The following NR1I2 variants were observed in gnomAD, a reference collection of about 807,000 sequenced individuals.
NR1I2 encodes orphan nuclear receptor PAR1.
NR1I2 carries 42 observed loss-of-function variants against 43.3 expected under a neutral mutation model. The ratio of observed to expected loss-of-function variants is 0.97; its 90% CI spans 0.76 to 1.26. NR1I2 has a LOEUF of 1.26. Among genes scored for constraint, NR1I2 ranks in the 50% most tolerant of loss-of-function variants. The pLI is 0.00. For synonymous variants in NR1I2, 229 were observed against 215.0 expected, an observed-to-expected ratio of 1.06 and a Z score of -0.57; for missense variants, 559 against 566.7, an observed-to-expected ratio of 0.99 and a Z score of 0.14.
intron 1 of NR1I2, among the ~76,000 whole-genome samples, chr3:119,794,179 T>G (rs2054961736): frequency 6.6e-6 from 1 of 151,638 alleles, no homozygotes; most frequent in East Asian, 1.9e-4. Flanking sequence ...CTGGCTGAGT[T>G]TTTTTGTTTG....
In NR1I2 at chr3:119,815,345, G is replaced by A; in HGVS notation, c.960G>A (p.Leu320=). The change falls in exon 7 of 9, where the codon CTG becomes CTA. Residue 320 remains leucine, a synonymous_variant. Transcript: ENST00000393716. ...CAGGTGGCTTCCAGCAACTTCTACT[G>A]GAGCCCATGCTGAAATTCCACTACA... 6.2e-7 allele frequency: 1 copy of A among 1,614,050 alleles called. No individual in the cohort carries two copies. Among genetic ancestry groups the A allele is most frequent in the Non-Finnish European group, 8.5e-7 (1 of 1,180,006 alleles).
intron 1 of NR1I2, among the ~76,000 whole-genome samples, chr3:119,789,087 G>A (rs939564697): frequency 1.3e-5 from 2 of 152,156 alleles, no homozygotes; most frequent in African/African-American, 2.4e-5. Flanking sequence ...GTAAGCACAG[G>A]CTCCAGGTTA....
intron 3 of NR1I2, 141 bp downstream of exon 3, chr3:119,810,335 T>C: frequency 3.0e-6 from 4 of 1,330,596 alleles, no homozygotes; most frequent in Non-Finnish European, 4.0e-6. Flanking sequence ...CTGGTGTCCG[T>C]GTGCAACAGG....
At chr3:119,813,098 G>A (rs899403959) in intron 5 of NR1I2, 138 bp downstream of exon 5, 1 of 980,588 alleles carries the variant, frequency 1.0e-6, no homozygotes, top group Non-Finnish European at 1.5e-6. Context: ...CTTTCCCCGG[G>A]CAGCCAGTGC....
At position 119,818,321 on chromosome 3, in the gene NR1I2, G is replaced by A. The variant is rs2055357923; in HGVS notation, c.*1109G>A. 1.6e-5 allele frequency: 16 copies of A among 985,412 alleles called. No individual in the cohort carries two copies. The highest frequency in any genetic ancestry group is 1.9e-5 in the Non-Finnish European group (16 of 829,912). 61.0% of individuals were successfully genotyped at this position (985,412 alleles called of 1,614,324 possible). A position where few individuals can be genotyped will look rare whatever the true frequency, so the allele number is the denominator to read the frequency against. ...ATTCTCAAAGCTAAAGGGTATGAAA[G>A]TGCCTGCCTTGTTTATAGCCACTTG... On this transcript the variant is annotated 3_prime_UTR_variant, in exon 9 of 9. Transcript: ENST00000393716.
intron 2 of NR1I2, among the ~76,000 whole-genome samples, 200 bp from the exon 3 acceptor site, chr3:119,809,861 C>T (rs1249953429): frequency 6.6e-6 from 1 of 152,154 alleles, no homozygotes; most frequent in Non-Finnish European, 1.5e-5. Context: ...CCCGGCTCTG[C>T]CCCCTCTAGC....
chr3:119,798,175 T>G (rs953231965), intron 1 of NR1I2, among the ~76,000 whole-genome samples: 1 of 152,248 alleles, frequency 6.6e-6, no homozygotes, highest in Non-Finnish European at 1.5e-5. Context: ...TCACTGAGTC[T>G]CGTGTGTCTC....
At chr3:119,793,984 C>T (rs1036499376) in intron 1 of NR1I2, among the ~76,000 whole-genome samples, 22 of 152,128 alleles carry the variant, frequency 1.4e-4, no homozygotes, top group African/African-American at 5.3e-4. Context: ...CTCTTCGGTA[C>T]ATAATTTTGT....
intron 1 of NR1I2, among the ~76,000 whole-genome samples, chr3:119,803,925 T>G (rs1471641838): frequency 6.6e-6 from 1 of 151,876 alleles, no homozygotes; most frequent in African/African-American, 2.4e-5. Context: ...ACTCAGCTAA[T>G]TTTTGTATTT....
rs141599641 is a variant in NR1I2 at position 119,812,905 on chromosome 3, T to A, written c.739T>A (p.Ser247Thr). The A allele has an allele frequency of 1.7e-5, 27 of 1,613,990 alleles. No individual in the cohort carries two copies. Among genetic ancestry groups the A allele is most frequent in the Non-Finnish European group, 2.1e-5 (25 of 1,180,032 alleles). ...CCTGCTGCCCCACATGGCTGACATG[T>A]CAACCTACATGTTCAAAGGCATCAT... Residue 247 changes from serine (S) to threonine (T), a missense_variant, in exon 5 of 9, where the codon TCA becomes ACA. Ser to Thr is a moderately conservative substitution (Grantham distance 58, BLOSUM62 1). Transcript: ENST00000393716.
chr3:119,792,004 A>G, intron 1 of NR1I2: 1 of 706,698 alleles, frequency 1.4e-6, no homozygotes, highest in South Asian at 1.5e-5. Flanking sequence ...CCATGGGTAC[A>G]GAAACCAATT....
At chr3:119,806,172 C>T (rs370012568) in intron 1 of NR1I2, among the ~76,000 whole-genome samples, 23 of 152,322 alleles carry the variant, frequency 1.5e-4, no homozygotes, top group Non-Finnish European at 3.1e-4. Context: ...ATGGTAGTAA[C>T]AGGACAATCC....
chr3:119,790,208 A>G (rs1190916700), intron 1 of NR1I2, among the ~76,000 whole-genome samples: 2 of 152,142 alleles, frequency 1.3e-5, no homozygotes, highest in Non-Finnish European at 2.9e-5. Context: ...AATGTCCTCA[A>G]GGTTCATCCG....
rs192325367 is a variant in NR1I2 at position 119,804,292 on chromosome 3, G to A, written c.-22-2937G>A. Among the ~76,000 whole-genome samples, 1,367 of 150,354 alleles carry A rather than the reference G, an allele frequency of 9.1e-3. 19 individuals carry two copies. The highest frequency in any genetic ancestry group is 0.032 in the African/African-American group (1,305 of 41,354). On this transcript the variant is annotated intron_variant, in intron 1 of 8. Transcript: ENST00000393716. ...CGGGAGGCTGAGGCAGGAGAATGGC[G>A]TCAACCTGGGAGGTGGAGCTTGCAG...
At chr3:119,797,186 ATGTGTG>A (rs60261128) in intron 1 of NR1I2, among the ~76,000 whole-genome samples, 2 of 145,180 alleles carry the variant, frequency 1.4e-5, no homozygotes, top group African/African-American at 2.6e-5. Context: ...GCACAAAGAT[ATGTGTG>A]TGTGTGTGTG....
chr3:119,782,596 C>CA, intron 1 of NR1I2: 1 of 618,626 alleles, frequency 1.6e-6, no homozygotes, highest in South Asian at 1.9e-5. Context: ...GTCACACATA[C>CA]AACCAGCTCC....
intron 1 of NR1I2, among the ~76,000 whole-genome samples, chr3:119,785,036 C>G (rs1320153977): frequency 6.6e-6 from 1 of 152,164 alleles, no homozygotes; most frequent in Non-Finnish European, 1.5e-5. Flanking sequence ...GAGTTTTGCT[C>G]CTTCCTTTCC....
At position 119,788,271 on chromosome 3, in the gene NR1I2, G is replaced by A. The variant is rs1048731014; in HGVS notation, c.-23+5971G>A. On this transcript the variant is annotated intron_variant, in intron 1 of 8. Coordinates refer to ENST00000393716, the MANE Select transcript of NR1I2 (RefSeq NM_003889.4). ...TGGGACTACAGGTGTGTGCCACCATGCCCAGACACTTTTAAAATTTATTTT... is the reference window on the plus strand; with the variant it reads ...TGGGACTACAGGTGTGTGCCACCATACCCAGACACTTTTAAAATTTATTTT... Among the ~76,000 whole-genome samples the A allele has an allele frequency of 9.3e-5, 14 of 150,084 alleles. No individual in the cohort carries two copies. In the East Asian group the frequency reaches 2.8e-3, roughly 30 times the overall value.
intron 1 of NR1I2, chr3:119,791,844 A>G (rs946499945): frequency 5.4e-6 from 3 of 554,678 alleles, no homozygotes; most frequent in South Asian, 2.9e-5. Context: ...GTTTGAGTCC[A>G]TCGGCAAGTT....
Sources: allele counts gnomAD v4.1 joint callset (sites outside exome capture counted in the v4.1 genomes callset), GRCh38; gene constraint gnomAD v4.1.1; transcripts MANE v1.5; gene names NCBI Gene and HGNC (gene_info 2026-07-23, HGNC 2026-07-21).